The following SNCB variants were observed in gnomAD, a reference collection of about 807,000 sequenced individuals.
SNCB encodes synuclein beta, also known as beta-synuclein.
In SNCB, 8 loss-of-function variants were observed where a neutral mutation model predicts 20.0. That is an observed-to-expected ratio of 0.40 (90% confidence interval 0.24 to 0.72). The LOEUF is 0.72. Among genes scored for constraint, SNCB ranks in the 30% least tolerant of loss-of-function variants. The pLI is 0.37. For missense variants in SNCB, 125 were observed against 168.0 expected (o/e 0.74, Z 1.41); for synonymous variants, 56 against 65.4 (o/e 0.86, Z 0.69).
At chr5:176,627,544 C>G (rs977718500) in intron 2 of SNCB, among the ~76,000 whole-genome samples, 1 of 152,162 alleles carries the variant, frequency 6.6e-6, no homozygotes, top group Non-Finnish European at 1.5e-5. Context: ...AGGGCCTGAT[C>G]TGGGCTGGAG....
chr5:176,628,785 T>C (rs4242201), intron 2 of SNCB, among the ~76,000 whole-genome samples: 148,459 of 152,330 alleles, frequency 0.97, 72,465 homozygotes, highest in Middle Eastern at 1. Context: ...CCCCAGCATC[T>C]GCAGGATGCC....
rs1759845680 is a variant in SNCB at position 176,624,861 on chromosome 5, A to G, written c.282+1537T>C. On this transcript the variant is annotated intron_variant, in intron 4 of 5. Coordinates refer to ENST00000393693, the MANE Select transcript of SNCB (RefSeq NM_003085.5). Reference sequence around the variant, plus strand: ...AAGTCATACAGATAGTAAAATGCAGAGACAGGGCTTGAACTAGAACTTCTG... The same window carrying G: ...AAGTCATACAGATAGTAAAATGCAGGGACAGGGCTTGAACTAGAACTTCTG... Among the ~76,000 whole-genome samples the G allele has an allele frequency of 2.6e-5, 4 of 152,120 alleles. No homozygotes were observed. The South Asian group carries it at 8.3e-4, about 32-fold the overall frequency.
rs1207608813 is a variant in SNCB at position 176,626,493 on chromosome 5, C to T, written c.187G>A (p.Ala63Thr). ...AACACAGCTCCTCCCAGATGTGAGG[C>T]CTGTTCCTTGGTTTTTTCAGCCACT... ...ASVAEKTKEQASHLGGAVFSG... is the reference protein window; with the variant it reads ...ASVAEKTKEQTSHLGGAVFSG... The change falls in exon 4 of 6, where the codon GCC becomes ACC. Residue 63 changes from alanine (A) to threonine (T), a missense_variant. Transcript: ENST00000393693. The surrounding 1 kb of genome is among the most constrained non-coding windows in gnomAD (Gnocchi z 4.2). 6.2e-7 allele frequency: 1 copy of T among 1,614,008 alleles called. No individual in the cohort carries two copies. The highest frequency in any genetic ancestry group is 2.2e-5 in the East Asian group (1 of 44,886).
chr5:176,621,153 T>C lies in SNCB; in HGVS notation c.372+61A>G. Reference sequence around the variant, plus strand: ...CATGCCAGGGATGTCCCACCCCAGCTAGGGACGGCAGCAATCATCCTGGAT... The same window carrying C: ...CATGCCAGGGATGTCCCACCCCAGCCAGGGACGGCAGCAATCATCCTGGAT... On this transcript the variant is annotated intron_variant, in intron 5 of 5. Transcript: ENST00000393693. This position sits in a 1 kb window ranked among gnomAD's most constrained non-coding sequence, Gnocchi z 4.1. 1 of 1,344,238 alleles carries C rather than the reference T, an allele frequency of 7.4e-7. No homozygotes were observed. The highest frequency in any genetic ancestry group is 1.1e-6 in the Non-Finnish European group (1 of 950,978). The allele number at this position is 1,344,238 out of a possible 1,614,324, so 83.3% of individuals were successfully genotyped here. A position where few individuals can be genotyped will look rare whatever the true frequency, so the allele number is the denominator to read the frequency against.
At position 176,626,511 on chromosome 5, in the gene SNCB, C is replaced by G. The variant is rs1029156310; in HGVS notation, c.169G>C (p.Glu57Gln). The G allele has an allele frequency of 6.2e-7, 1 of 1,613,044 alleles. No individual in the cohort carries two copies. Among genetic ancestry groups the G allele is most frequent in the Non-Finnish European group, 8.5e-7 (1 of 1,179,144 alleles). Residue 57 changes from glutamate (E) to glutamine (Q), a missense_variant, in exon 4 of 6, where the codon GAA (glutamate) becomes CAA (glutamine). By Grantham distance (29) the Glu-to-Gln change is conservative. Coordinates refer to ENST00000393693, the MANE Select transcript of SNCB (RefSeq NM_003085.5). This position sits in a 1 kb window ranked among gnomAD's most constrained non-coding sequence, Gnocchi z 4.2. ...TGTGAGGCCTGTTCCTTGGTTTTTTCAGCCACTGGAGCAGGGAGGGGGTTG... is the reference window on the plus strand; with the variant it reads ...TGTGAGGCCTGTTCCTTGGTTTTTTGAGCCACTGGAGCAGGGAGGGGGTTG... The part of the protein sequence containing the change: ...GVVQGVASVA[E>Q]KTKEQASHLG...
In SNCB at chr5:176,626,355, TG is replaced by T; in HGVS notation, c.282+42del. ...TGCCTGGTGTGTGTGTGTGTGTGTGTGTGTGTGTTTGCCTGCATGTGCGGGT... is the reference window on the plus strand; with the variant it reads ...TGCCTGGTGTGTGTGTGTGTGTGTGTTGTGTGTTTGCCTGCATGTGCGGGT... On this transcript the variant is annotated intron_variant, in intron 4 of 5. Coordinates refer to ENST00000393693, the MANE Select transcript of SNCB (RefSeq NM_003085.5). This position sits in a 1 kb window ranked among gnomAD's most constrained non-coding sequence, Gnocchi z 4.2. The T allele has an allele frequency of 1.8e-6, 2 of 1,093,572 alleles. No homozygotes were observed. Among genetic ancestry groups the T allele is most frequent in the Non-Finnish European group, 2.8e-6 (2 of 706,902 alleles). 67.7% of individuals were successfully genotyped at this position (1,093,572 alleles called of 1,614,324 possible). A position where few individuals can be genotyped will look rare whatever the true frequency, so the allele number is the denominator to read the frequency against.
chr5:176,628,562 C>A (rs765664069), intron 2 of SNCB, among the ~76,000 whole-genome samples: 1 of 152,224 alleles, frequency 6.6e-6, no homozygotes, highest in Admixed American at 6.5e-5. Context: ...TCCTGCCCAT[C>A]GCTCTGACCT....
chr5:176,624,045 A>G (rs1759777925), intron 4 of SNCB, among the ~76,000 whole-genome samples: 2 of 152,218 alleles, frequency 1.3e-5, no homozygotes, highest in South Asian at 4.1e-4. Flanking sequence ...TGGTGGCCCA[A>G]GGGGCTGTTG....
At position 176,626,353 on chromosome 5, in the gene SNCB, TG is replaced by T; in HGVS notation, c.282+44del. The T allele has an allele frequency of 9.2e-7, 1 of 1,082,986 alleles. No homozygotes were observed. Among genetic ancestry groups the T allele is most frequent in the Non-Finnish European group, 1.4e-6 (1 of 697,346 alleles). The allele number at this position is 1,082,986 out of a possible 1,614,324, so 67.1% of individuals were successfully genotyped here. Reference sequence around the variant, plus strand: ...TGTGCCTGGTGTGTGTGTGTGTGTGTGTGTGTGTGTTTGCCTGCATGTGCGG... The same window carrying T: ...TGTGCCTGGTGTGTGTGTGTGTGTGTTGTGTGTGTTTGCCTGCATGTGCGG... On this transcript the variant is annotated intron_variant, in intron 4 of 5. Transcript: ENST00000393693. This position sits in a 1 kb window ranked among gnomAD's most constrained non-coding sequence, Gnocchi z 4.2.
Position 176,629,633 on chromosome 5 carries a change from G to A in SNCB, c.22C>T (p.Leu8=), listed in dbSNP as rs1293185891. The A allele has an allele frequency of 6.2e-7, 1 of 1,613,728 alleles. No individual in the cohort carries two copies. The highest frequency in any genetic ancestry group is 8.5e-7 in the Non-Finnish European group (1 of 1,179,910). The change falls in exon 2 of 6, where the codon CTG becomes TTG. Residue 8 remains leucine, a synonymous_variant. Transcript: ENST00000393693. This position sits in a 1 kb window ranked among gnomAD's most constrained non-coding sequence, Gnocchi z 4.1. ...ACAACGCCCTCCTTGGCCATGGACA[G>A]GCCCTTCATGAACACGTCCATCCTG... is the stretch of plus-strand genomic sequence containing the variant. The part of the protein sequence containing the change: MDVFMKG[L]SMAKEGVVAA...
At position 176,626,319 on chromosome 5, in the gene SNCB, G is replaced by T; in HGVS notation, c.282+79C>A. The T allele has an allele frequency of 9.6e-7, 1 of 1,039,482 alleles. No homozygotes were observed. Among genetic ancestry groups the T allele is most frequent in the Non-Finnish European group, 1.5e-6 (1 of 674,866 alleles). The allele number at this position is 1,039,482 out of a possible 1,614,324, so 64.4% of individuals were successfully genotyped here. A position where few individuals can be genotyped will look rare whatever the true frequency, so the allele number is the denominator to read the frequency against. On this transcript the variant is annotated intron_variant, in intron 4 of 5. Transcript: ENST00000393693. The surrounding 1 kb of genome is among the most constrained non-coding windows in gnomAD (Gnocchi z 4.2). ...ATTAGGGGGGCGGGGATGGTGACAG[G>T]TTTATTTGTGTGCCTGGTGTGTGTG...
intron 2 of SNCB, among the ~76,000 whole-genome samples, chr5:176,627,599 T>C (rs1408870340): frequency 1.3e-5 from 2 of 150,282 alleles, no homozygotes; most frequent in Admixed American, 6.7e-5. Context: ...TCTGACAATT[T>C]GGCAACACAG....
In SNCB at chr5:176,625,510, T is replaced by C. The variant is rs552254623; in HGVS notation, c.282+888A>G. 1.7e-4 allele frequency among the ~76,000 whole-genome samples: 26 copies of C among 152,318 alleles called. 1 individual carries two copies. The South Asian group carries it at 5.2e-3, about 30-fold the overall frequency. On this transcript the variant is annotated intron_variant, in intron 4 of 5. Transcript: ENST00000393693. ...TGAACTATCAAGTTCAGAGACATGG[T>C]GGGAACTGCCCAGGGTCACACAGCC...
Position 176,626,553 on chromosome 5 carries a change from G to A in SNCB, c.164-37C>T. 1 of 1,565,930 alleles carries A rather than the reference G, an allele frequency of 6.4e-7. No homozygotes were observed. Among genetic ancestry groups the A allele is most frequent in the South Asian group, 1.1e-5 (1 of 90,106 alleles). The stretch of plus-strand genomic sequence containing the variant: ...AGGGGGTTGAGGAAGGGGTTTGGGA[G>A]CCAGGGGGAAACACCGATGCCCTGC... On this transcript the variant is annotated intron_variant, in intron 3 of 5. Transcript: ENST00000393693. This position sits in a 1 kb window ranked among gnomAD's most constrained non-coding sequence, Gnocchi z 4.2.
chr5:176,627,659 G>C (rs562909120), intron 2 of SNCB, among the ~76,000 whole-genome samples: 4 of 83,610 alleles, frequency 4.8e-5, no homozygotes, highest in Non-Finnish European at 1.0e-4. Context: ...TGAGCCCGGC[G>C]GGGGGGTGGG....
In SNCB at chr5:176,626,777, G is replaced by T. The variant is rs1281937031; in HGVS notation, c.122-16C>A. The T allele has an allele frequency of 1.9e-6, 3 of 1,614,040 alleles. No individual in the cohort carries two copies. The highest frequency in any genetic ancestry group is 2.5e-6 in the Non-Finnish European group (3 of 1,180,012). On this transcript the variant is annotated splice_polypyrimidine_tract_variant and intron_variant, in intron 2 of 5. Transcript: ENST00000393693. The surrounding 1 kb of genome is among the most constrained non-coding windows in gnomAD (Gnocchi z 4.2). ...GTCTTGCTTCCTGCAGGGAGAAAAAGCGGCACATTTAAGGACTCTGCGCTG... is the reference window on the plus strand; with the variant it reads ...GTCTTGCTTCCTGCAGGGAGAAAAATCGGCACATTTAAGGACTCTGCGCTG...
intron 4 of SNCB, among the ~76,000 whole-genome samples, chr5:176,624,818 C>CAAAAAAAAAAAAAAAAAAAAAAAA: frequency 7.5e-6 from 1 of 133,004 alleles, no homozygotes; most frequent in Non-Finnish European, 1.5e-5. Flanking sequence ...AAAAAAAAAA[C>CAAAAAAAAAAAAAAAAAAAAAAAA]AAAAAAAAAC....
chr5:176,622,241 T>C (rs1296878016), intron 4 of SNCB, among the ~76,000 whole-genome samples: 3 of 152,332 alleles, frequency 2.0e-5, no homozygotes, highest in South Asian at 4.1e-4. Context: ...CAGATGCGTA[T>C]GCCAAGGCCC....
chr5:176,623,205 T>A (rs1303148056), intron 4 of SNCB, among the ~76,000 whole-genome samples: 1 of 151,916 alleles, frequency 6.6e-6, no homozygotes, highest in East Asian at 1.9e-4. Context: ...CTGGCCAACA[T>A]GGTGAAACCC....
Sources: allele counts gnomAD v4.1 joint callset (sites outside exome capture counted in the v4.1 genomes callset), GRCh38; gene constraint gnomAD v4.1.1; non-coding constraint Gnocchi (gnomAD v3.1); transcripts MANE v1.5; gene names NCBI Gene and HGNC (gene_info 2026-07-23, HGNC 2026-07-21).